NMU: variants seen among roughly 807,000 people sequenced by gnomAD.
The protein encoded by NMU is neuromedin U, also known as neuromedin-U.
In NMU, 29 loss-of-function variants were observed where a neutral mutation model predicts 35.4. The observed-to-expected ratio is 0.82, with a 90% CI of 0.61 to 1.12. NMU has a LOEUF of 1.12. NMU is among the 50% of genes most tolerant of loss of function. NMU has a pLI of 0.00. For synonymous variants in NMU, 78 were observed against 81.3 expected (o/e 0.96, Z 0.22); for missense variants, 199 against 206.2 (o/e 0.97, Z 0.21).
At chr4:55,626,193 G>C (rs1391998556) in intron 2 of NMU, among the ~76,000 whole-genome samples, 1 of 152,214 alleles carries the variant, frequency 6.6e-6, no homozygotes, top group Non-Finnish European at 1.5e-5. Context: ...GGTAGAAAGT[G>C]ACACTTTGCT....
rs760890031 is a variant in NMU at position 55,625,169 on chromosome 4, TAAAAA to T, written c.171+5228_171+5232del. Among the ~76,000 whole-genome samples, 75 of 98,332 alleles carry T rather than the reference TAAAAA, an allele frequency of 7.6e-4. 3 individuals are homozygous for T. In the East Asian group the frequency reaches 0.014, roughly 19 times the overall value. The allele number at this position is 98,332 out of a possible 152,430, so 64.5% of individuals were successfully genotyped here. A position where few individuals can be genotyped will look rare whatever the true frequency, so the allele number is the denominator to read the frequency against. ...TGTACCCTAAAACTTAAAGTATAATTAAAAAAAAAAAAAAAAAAAAAAGAACTGAT... is the reference window on the plus strand; with the variant it reads ...TGTACCCTAAAACTTAAAGTATAATTAAAAAAAAAAAAAAAAAGAACTGAT... On this transcript the variant is annotated intron_variant, in intron 2 of 9. Transcript: ENST00000264218.
At chr4:55,608,872 G>A (rs192309578) in intron 4 of NMU, among the ~76,000 whole-genome samples, 3 of 152,120 alleles carry the variant, frequency 2.0e-5, no homozygotes, top group East Asian at 1.9e-4. Flanking sequence ...TTATTCCTCC[G>A]GACTGGAACT....
intron 3 of NMU, among the ~76,000 whole-genome samples, chr4:55,614,162 C>T (rs1446901058): frequency 1.3e-5 from 2 of 151,982 alleles, no homozygotes; most frequent in African/African-American, 4.8e-5. Flanking sequence ...TCACAAGTTT[C>T]AAAACTAAAA....
chr4:55,602,497 C>G (rs780671036), intron 7 of NMU, among the ~76,000 whole-genome samples: 3 of 152,118 alleles, frequency 2.0e-5, no homozygotes, highest in Admixed American at 6.5e-5. Context: ...AGTCAATGTA[C>G]TAAACTGGCC....
chr4:55,634,905 C>G (rs962712517), intron 1 of NMU, among the ~76,000 whole-genome samples: 3 of 152,058 alleles, frequency 2.0e-5, no homozygotes, highest in Non-Finnish European at 4.4e-5. Flanking sequence ...CACACACCCC[C>G]CTCCAATGCC....
At chr4:55,636,530 T>C, upstream of NMU, 1 of 243,040 alleles carries the variant, frequency 4.1e-6, no homozygotes, top group Non-Finnish European at 7.7e-6. This position sits in a 1 kb window ranked among gnomAD's most constrained non-coding sequence, Gnocchi z 4.0. Flanking sequence ...ATTTAAATAA[T>C]GCACCATTCC....
intron 1 of NMU, among the ~76,000 whole-genome samples, chr4:55,631,324 G>A (rs1734744545): frequency 6.6e-6 from 1 of 152,056 alleles, no homozygotes; most frequent in African/African-American, 2.4e-5. Flanking sequence ...ATAAATAAAT[G>A]GGACCTAATT....
intron 7 of NMU, among the ~76,000 whole-genome samples, chr4:55,602,258 C>A (rs572522623): frequency 1.3e-5 from 2 of 152,152 alleles, no homozygotes; most frequent in South Asian, 4.1e-4. Context: ...GTTTTAAAAT[C>A]TAAAACCTCA....
Position 55,603,842 on chromosome 4 carries a change from G to A in NMU, c.435+1433C>T, listed in dbSNP as rs551754666. ...CAGGCGAATGGTGTGAACCCGGGGG[G>A]CGGAGCTTGCAGTGAGCCGAGATCA... On this transcript the variant is annotated intron_variant, in intron 7 of 9. Coordinates refer to ENST00000264218, the MANE Select transcript of NMU (RefSeq NM_006681.4). Among the ~76,000 whole-genome samples the A allele has an allele frequency of 2.7e-4, 40 of 148,332 alleles. 1 individual carries two copies. The East Asian group carries it at 5.5e-3, about 20-fold the overall frequency.
intron 7 of NMU, among the ~76,000 whole-genome samples, chr4:55,603,946 T>C (rs898750485): frequency 4.2e-5 from 4 of 95,364 alleles, no homozygotes; most frequent in African/African-American, 6.4e-5. Flanking sequence ...TATATATATA[T>C]GTATATATGT....
chr4:55,630,125 A>G (rs1734699771), intron 2 of NMU, among the ~76,000 whole-genome samples: 1 of 151,988 alleles, frequency 6.6e-6, no homozygotes, highest in African/African-American at 2.4e-5. Flanking sequence ...CAATCTTAGA[A>G]TCTCTGTCTT....
At chr4:55,617,080 A>T (rs1734136018) in intron 2 of NMU, among the ~76,000 whole-genome samples, 1 of 152,170 alleles carries the variant, frequency 6.6e-6, no homozygotes, top group Non-Finnish European at 1.5e-5. Flanking sequence ...TATTTCTTTG[A>T]TGGCCTTTTA....
intron 2 of NMU, among the ~76,000 whole-genome samples, chr4:55,618,497 C>T (rs573530084): frequency 6.6e-6 from 1 of 152,224 alleles, no homozygotes; most frequent in African/African-American, 2.4e-5. Context: ...TGTTGGTTTG[C>T]TGTAGCTCTG....
chr4:55,599,741 C>G (rs575960692), intron 8 of NMU, among the ~76,000 whole-genome samples: 1 of 152,318 alleles, frequency 6.6e-6, no homozygotes, highest in South Asian at 2.1e-4. Context: ...GAAGTCTTCT[C>G]TGTACCTCTT....
intron 1 of NMU, among the ~76,000 whole-genome samples, chr4:55,631,925 G>C (rs952723609): frequency 2.4e-4 from 37 of 152,310 alleles, no homozygotes; most frequent in African/African-American, 8.9e-4. Flanking sequence ...AGTGCCTATT[G>C]ACCAACAAGT....
chr4:55,609,129 T>G lies in NMU; in HGVS notation c.270A>C (p.Pro90=). ...ELCFMIMGML[P]KPQEQDEKDN... ...ACTATTTCAAGCTTACCTGAGGCTT[T>G]GGTAGCATTCCCATAATCATAAAGC... Residue 90 remains proline (P), a synonymous_variant, in exon 4 of 10, where the codon CCA becomes CCC. Coordinates refer to ENST00000264218, the MANE Select transcript of NMU (RefSeq NM_006681.4). 6.2e-7 allele frequency: 1 copy of G among 1,613,328 alleles called. No individual in the cohort carries two copies. The highest frequency in any genetic ancestry group is 8.5e-7 in the Non-Finnish European group (1 of 1,179,274).
intron 6 of NMU, among the ~76,000 whole-genome samples, chr4:55,606,414 T>C (rs1733685451): frequency 6.6e-6 from 1 of 152,196 alleles, no homozygotes; most frequent in Non-Finnish European, 1.5e-5. Flanking sequence ...AAATTATTGG[T>C]TTTTGGCTAA....
intron 3 of NMU, among the ~76,000 whole-genome samples, chr4:55,609,441 C>A (rs1268492430): frequency 3.3e-5 from 5 of 151,404 alleles, no homozygotes; most frequent in South Asian, 2.1e-4. Flanking sequence ...CCGCTGTGAT[C>A]TAGATACATA....
chr4:55,605,268 T>G lies in NMU; in HGVS notation c.435+7A>C. 6.2e-7 allele frequency: 1 copy of G among 1,601,356 alleles called. No homozygotes were observed. Among genetic ancestry groups the G allele is most frequent in the South Asian group, 1.1e-5 (1 of 90,830 alleles). On this transcript the variant is annotated splice_region_variant and intron_variant, in intron 7 of 9. Transcript: ENST00000264218. ...GGCAAAGCCAGCATGCAGTTTGTAT[T>G]ACATACGTCCACTCTGAATCTCTTC...
Sources: gnomAD v4.1 joint callset for allele counts (sites outside exome capture counted in the v4.1 genomes callset) on GRCh38, gnomAD v4.1.1 for gene constraint, Gnocchi (gnomAD v3.1) non-coding constraint, MANE v1.5 for transcripts, NCBI Gene and HGNC (gene_info 2026-07-23, HGNC 2026-07-21) for gene names.